The following WDPCP variants were observed in gnomAD, a reference collection of about 807,000 sequenced individuals.
WDPCP encodes the protein WD repeat containing planar cell polarity effector.
Under a neutral mutation model 93.1 loss-of-function variants are expected in WDPCP, and 71 were observed. The ratio of observed to expected loss-of-function variants is 0.76; its 90% CI spans 0.63 to 0.93. WDPCP has a LOEUF of 0.93. Among genes scored for constraint, WDPCP ranks in the 40% least tolerant of loss-of-function variants. WDPCP has a pLI of 0.00. For missense variants in WDPCP, 844 were observed against 887.4 expected (o/e 0.95, Z 0.62); for synonymous variants, 315 against 315.0 (o/e 1.00, Z 0.00).
At position 63,233,420 on chromosome 2, in the gene WDPCP, A is replaced by C. The variant is rs574875475; in HGVS notation, c.1915+25887T>G. ...CAAGAGTGGGACCAACTCAAAATTA[A>C]GTCCTCTACAAAGTTCTAATGGAAG... On this transcript the variant is annotated intron_variant, in intron 14 of 17. Transcript: ENST00000272321. 1.6e-4 allele frequency: 35 copies of C among 213,388 alleles called. No homozygotes were observed. In the East Asian group the frequency reaches 3.1e-3, roughly 19 times the overall value. The allele number at this position is 213,388 out of a possible 1,614,324, so 13.2% of individuals were successfully genotyped here.
chr2:63,553,233 A>G (rs1705816699), intron 1 of WDPCP, among the ~76,000 whole-genome samples: 1 of 152,252 alleles, frequency 6.6e-6, no homozygotes, highest in Non-Finnish European at 1.5e-5. Context: ...GAACTCTTCA[A>G]CTGTTAAATT....
chr2:63,280,792 T>A (rs1164821920), intron 13 of WDPCP, among the ~76,000 whole-genome samples: 1 of 152,178 alleles, frequency 6.6e-6, no homozygotes, highest in East Asian at 1.9e-4. Context: ...AAAATGAAAC[T>A]GGATTATCAT....
chr2:63,385,186 T>C (rs1692629949), intron 10 of WDPCP, among the ~76,000 whole-genome samples: 1 of 152,154 alleles, frequency 6.6e-6, no homozygotes, highest in Non-Finnish European at 1.5e-5. Flanking sequence ...AATACCATCA[T>C]ACTTATAGTG....
intron 2 of WDPCP, among the ~76,000 whole-genome samples, chr2:63,719,953 G>A (rs562295973): frequency 6.6e-6 from 1 of 152,046 alleles, no homozygotes; most frequent in Non-Finnish European, 1.5e-5. Context: ...ACTTATATAT[G>A]CACAGAAAAT....
intron 15 of WDPCP, among the ~76,000 whole-genome samples, chr2:63,155,013 G>C (rs1184443075): frequency 6.6e-6 from 1 of 152,120 alleles, no homozygotes; most frequent in Non-Finnish European, 1.5e-5. Context: ...GTTGAGCTTT[G>C]AGAGTTCTGT....
At chr2:63,335,011 A>C (rs6545997) in intron 12 of WDPCP, among the ~76,000 whole-genome samples, 121,829 of 152,116 alleles carry the variant, frequency 0.8, 49,664 homozygotes, top group East Asian at 0.96. Context: ...CCTCTGCCCA[A>C]CTGAGTGAGA....
intron 12 of WDPCP, among the ~76,000 whole-genome samples, chr2:63,345,042 T>C (rs1335248729): frequency 6.6e-6 from 1 of 152,186 alleles, no homozygotes; most frequent in East Asian, 1.9e-4. Flanking sequence ...TTCTGTCAGT[T>C]TTTGCCTACT....
At chr2:63,595,949 T>G (rs1010079652) in intron 3 of WDPCP, among the ~76,000 whole-genome samples, 2 of 152,172 alleles carry the variant, frequency 1.3e-5, no homozygotes, top group Admixed American at 1.3e-4. Flanking sequence ...AGCTATACAT[T>G]GCTCTGGAAG....
intron 17 of WDPCP, among the ~76,000 whole-genome samples, chr2:63,124,020 C>G (rs949077892): frequency 6.7e-6 from 1 of 150,126 alleles, no homozygotes; most frequent in Admixed American, 6.6e-5. Context: ...TTTAACCACT[C>G]CTTTTTTGGT....
At chr2:63,343,918 A>T (rs1689017791) in intron 12 of WDPCP, among the ~76,000 whole-genome samples, 1 of 152,136 alleles carries the variant, frequency 6.6e-6, no homozygotes, top group South Asian at 2.1e-4. Context: ...AGGCATCATT[A>T]TCCTGGTTTC....
At chr2:63,167,989 G>T (rs1673110115) in intron 15 of WDPCP, among the ~76,000 whole-genome samples, 1 of 151,554 alleles carries the variant, frequency 6.6e-6, no homozygotes, top group African/African-American at 2.4e-5. Flanking sequence ...GGTGACACAT[G>T]CCTGTTGTCC....
At chr2:63,614,470 G>C (rs1004777547) in intron 3 of WDPCP, among the ~76,000 whole-genome samples, 18 of 152,086 alleles carry the variant, frequency 1.2e-4, no homozygotes, top group African/African-American at 3.6e-4. Context: ...GCACTGTTAG[G>C]GCTCAGAACA....
At chr2:63,790,586 A>G (rs2103999673) in intron 2 of WDPCP, among the ~76,000 whole-genome samples, 1 of 152,322 alleles carries the variant, frequency 6.6e-6, no homozygotes, top group South Asian at 2.1e-4. Flanking sequence ...TCTTCTGTTC[A>G]AGTCGTATAA....
chr2:63,559,167 G>GA (rs1454413812), intron 1 of WDPCP, among the ~76,000 whole-genome samples: 4 of 151,892 alleles, frequency 2.6e-5, no homozygotes, highest in Non-Finnish European at 4.4e-5. Flanking sequence ...CAGAACTAAA[G>GA]AAAAAAACCA....
In WDPCP at chr2:63,722,500, C is replaced by T. The variant is rs1575757998; in HGVS notation, n.309-71662G>A. On this transcript the variant is annotated intron_variant and non_coding_transcript_variant, in intron 2 of 4. Coordinates refer to the WDPCP transcript ENST00000467687. Reference sequence around the variant, plus strand: ...AGGAGCCCCTCCGCCCGGCAGCCGCCCCGTCTGGGAAGTGAGGAGCGTCTC... The same window carrying T: ...AGGAGCCCCTCCGCCCGGCAGCCGCTCCGTCTGGGAAGTGAGGAGCGTCTC... Among the ~76,000 whole-genome samples the T allele has an allele frequency of 1.3e-5, 2 of 149,634 alleles. 1 individual carries two copies. Among genetic ancestry groups the T allele is most frequent in the African/African-American group, 4.9e-5 (2 of 40,912 alleles).
At chr2:63,605,941 A>C in intron 3 of WDPCP, 1 of 1,612,890 alleles carries the variant, frequency 6.2e-7, no homozygotes, top group Non-Finnish European at 8.5e-7. Flanking sequence ...ATTTTCAGGG[A>C]GAGTTTGTGT....
intron 3 of WDPCP, among the ~76,000 whole-genome samples, chr2:63,606,387 CAG>C (rs764343590): frequency 6.6e-6 from 1 of 152,152 alleles, no homozygotes; most frequent in Non-Finnish European, 1.5e-5. Context: ...AAAAAGAAAA[CAG>C]AATGTTATCA....
At chr2:63,441,472 C>T (rs1455406093) in intron 6 of WDPCP, 1 of 152,024 alleles carries the variant, frequency 6.6e-6, no homozygotes, top group Non-Finnish European at 1.5e-5. Context: ...TACACCTATA[C>T]TCTTAAGCAC....
chr2:63,719,277 C>T (rs531736047), intron 2 of WDPCP, among the ~76,000 whole-genome samples: 1 of 152,234 alleles, frequency 6.6e-6, no homozygotes. Flanking sequence ...TGAGTTATAG[C>T]CATAGAGGAT....
Sources: gnomAD v4.1 joint callset for allele counts (sites outside exome capture counted in the v4.1 genomes callset) on GRCh38, gnomAD v4.1.1 for gene constraint, MANE v1.5 for transcripts, NCBI Gene and HGNC (gene_info 2026-07-23, HGNC 2026-07-21) for gene names.